The following ZNF385B variants were observed in gnomAD, a reference collection of about 807,000 sequenced individuals.
The protein encoded by ZNF385B is zinc finger protein 533.
A neutral mutation model predicts 39.2 loss-of-function variants in ZNF385B; 23 were observed. The observed-to-expected ratio is 0.59, with a 90% confidence interval of 0.42 to 0.83. The LOEUF is 0.83. Ranked by LOEUF, ZNF385B falls within the 40% of genes least tolerant of loss-of-function variation. The pLI, the probability that ZNF385B is intolerant of heterozygous loss-of-function variation, is 0.00. For missense variants in ZNF385B, 552 were observed against 598.9 expected (o/e 0.92, Z 0.82); for synonymous variants, 205 against 222.6 (o/e 0.92, Z 0.70).
chr2:179,444,673 C>CT, intron 9 of ZNF385B, among the ~76,000 whole-genome samples: 1 of 152,276 alleles, frequency 6.6e-6, no homozygotes. Flanking sequence ...AATATTAGCT[C>CT]TTAAAGAGGT....
intron 6 of ZNF385B, among the ~76,000 whole-genome samples, chr2:179,473,935 C>G (rs1297556390): frequency 1.3e-5 from 2 of 152,078 alleles, no homozygotes; most frequent in South Asian, 2.1e-4. Context: ...AACAGAAGCT[C>G]CATGAGCATG....
rs1708673333 is a variant in ZNF385B, at chr2:179,843,958, AT to A, written c.-155+17142del. On this transcript the variant is annotated intron_variant, in intron 1 of 9. Transcript: ENST00000410066. ...TCCAGCCTTGGGAGACAGCAACCCC[AT>A]TCAGTGAACAGCTTTTGCAGAGTCT... Among the ~76,000 whole-genome samples, 2 of 152,222 alleles carry A rather than the reference AT, an allele frequency of 1.3e-5. 1 individual carries two copies. The highest frequency in any genetic ancestry group is 3.8e-4 in the East Asian group (2 of 5,196).
At chr2:179,842,242 T>C (rs964970756) in intron 1 of ZNF385B, among the ~76,000 whole-genome samples, 2 of 152,200 alleles carry the variant, frequency 1.3e-5, no homozygotes, top group African/African-American at 2.4e-5. Flanking sequence ...CCCTGAATTA[T>C]TAATATAACT....
intron 6 of ZNF385B, among the ~76,000 whole-genome samples, chr2:179,472,490 T>A (rs1171846962): frequency 6.6e-6 from 1 of 152,202 alleles, no homozygotes; most frequent in Non-Finnish European, 1.5e-5. Context: ...TGATAGAAGT[T>A]CATATATTTC....
intron 3 of ZNF385B, among the ~76,000 whole-genome samples, chr2:179,741,866 C>T (rs1702108543): frequency 6.6e-6 from 1 of 151,872 alleles, no homozygotes; most frequent in Non-Finnish European, 1.5e-5. Context: ...GGGTGGCAGT[C>T]AGAACTAAGT....
intron 6 of ZNF385B, among the ~76,000 whole-genome samples, chr2:179,456,811 G>A (rs1485633911): frequency 6.6e-6 from 1 of 152,046 alleles, no homozygotes; most frequent in African/African-American, 2.4e-5. Flanking sequence ...TATAGACCAA[G>A]CACTATTTTA....
intron 5 of ZNF385B, among the ~76,000 whole-genome samples, chr2:179,518,208 CTAT>C (rs148439857): frequency 1.5e-3 from 232 of 152,182 alleles, no homozygotes; most frequent in African/African-American, 5.4e-3. Flanking sequence ...CACTTATAGA[CTAT>C]TGTCTATAAT....
intron 3 of ZNF385B, among the ~76,000 whole-genome samples, chr2:179,727,264 C>T (rs1701082401): frequency 1.3e-5 from 2 of 151,768 alleles, no homozygotes. Flanking sequence ...TTCAATTATC[C>T]CACTTTTGGA....
intron 6 of ZNF385B, among the ~76,000 whole-genome samples, chr2:179,478,257 T>A (rs2053636394): frequency 1.3e-5 from 2 of 149,140 alleles, no homozygotes; most frequent in Admixed American, 6.7e-5. Flanking sequence ...ACAATGACAA[T>A]AAAAAACATC....
intron 1 of ZNF385B, among the ~76,000 whole-genome samples, chr2:179,774,171 G>T (rs1306780775): frequency 6.6e-6 from 1 of 151,576 alleles, no homozygotes; most frequent in Non-Finnish European, 1.5e-5. Context: ...TGGTGTGCAT[G>T]GGGTATGTAG....
At position 179,699,111 on chromosome 2, in the gene ZNF385B, T is replaced by C. The variant is rs1698979962; in HGVS notation, c.298+70392A>G. Among the ~76,000 whole-genome samples, 4 of 21,720 alleles carry C rather than the reference T, an allele frequency of 1.8e-4. No individual in the cohort carries two copies. In the Admixed American group the frequency reaches 3.4e-3, roughly 19 times the overall value. 14.2% of individuals were successfully genotyped at this position (21,720 alleles called of 152,430 possible). On this transcript the variant is annotated intron_variant, in intron 3 of 9. Transcript: ENST00000410066. ...CTTTGGGAGACAATTAAAAATTTTG[T>C]GTTAAAATATATATATATAAAATTT...
chr2:179,595,053 A>C lies in ZNF385B; in HGVS notation c.299-50084T>G, dbSNP rs890330832. 3.9e-5 allele frequency among the ~76,000 whole-genome samples: 6 copies of C among 152,322 alleles called. No homozygotes were observed. The East Asian group carries it at 1.2e-3, about 29-fold the overall frequency. ...AAAGCAAATTTTATGTAGGCATAAG[A>C]TAAATGCCAATAAAAATAATCTTTT... is the stretch of plus-strand genomic sequence containing the variant. On this transcript the variant is annotated intron_variant, in intron 3 of 9. Transcript: ENST00000410066.
intron 4 of ZNF385B, among the ~76,000 whole-genome samples, chr2:179,528,069 C>CA (rs573820097): frequency 1.4e-4 from 21 of 151,886 alleles, no homozygotes; most frequent in Admixed American, 2.6e-4. Context: ...ACCAAATATG[C>CA]AAAAAAACAA....
rs372853823 is a variant in ZNF385B at position 179,473,285 on chromosome 2, A to C, written c.715+9987T>G. Reference sequence around the variant, plus strand: ...TGCAAATAATTACTATGAGGCAAGAAAACAAGTACATAAAGAGGAATGTAA... The same window carrying C: ...TGCAAATAATTACTATGAGGCAAGACAACAAGTACATAAAGAGGAATGTAA... On this transcript the variant is annotated intron_variant, in intron 6 of 9. Transcript: ENST00000410066. Among the ~76,000 whole-genome samples the C allele has an allele frequency of 1.4e-3, 213 of 152,314 alleles. 1 individual carries two copies. Among genetic ancestry groups the C allele is most frequent in the African/African-American group, 4.8e-3 (201 of 41,568 alleles).
chr2:179,785,470 T>C (rs184333842), intron 1 of ZNF385B, among the ~76,000 whole-genome samples: 20 of 152,236 alleles, frequency 1.3e-4, no homozygotes, highest in African/African-American at 4.8e-4. Flanking sequence ...CCAAAGAAAA[T>C]AAATCTGGAA....
chr2:179,826,989 G>A (rs887971768), intron 1 of ZNF385B, among the ~76,000 whole-genome samples: 7 of 152,082 alleles, frequency 4.6e-5, no homozygotes, highest in Non-Finnish European at 8.8e-5. Flanking sequence ...ACCCTACACT[G>A]AGTCTTAAAC....
chr2:179,594,545 C>T (rs66812964), intron 3 of ZNF385B, among the ~76,000 whole-genome samples: 26,787 of 152,152 alleles, frequency 0.18, 2,948 homozygotes, highest in South Asian at 0.28. Flanking sequence ...AAATAATACC[C>T]TAACATATGA....
intron 3 of ZNF385B, among the ~76,000 whole-genome samples, chr2:179,647,425 G>A (rs975975140): frequency 2.0e-5 from 3 of 151,964 alleles, no homozygotes; most frequent in Non-Finnish European, 2.9e-5. Context: ...ACCCAACCCC[G>A]GCCATATGCC....
chr2:179,719,992 T>A (rs1029943343), intron 3 of ZNF385B, among the ~76,000 whole-genome samples: 2 of 152,206 alleles, frequency 1.3e-5, no homozygotes, highest in African/African-American at 4.8e-5. Flanking sequence ...CCCAGGTCTG[T>A]ATGTTAATTA....
Sources: gnomAD v4.1 joint callset for allele counts (sites outside exome capture counted in the v4.1 genomes callset) on GRCh38, gnomAD v4.1.1 for gene constraint, MANE v1.5 for transcripts, NCBI Gene and HGNC (gene_info 2026-07-23, HGNC 2026-07-21) for gene names.